NAT10: variants seen among roughly 807,000 people sequenced by gnomAD.
NAT10 encodes the protein RNA cytidine acetyltransferase.
NAT10 carries 109 observed loss-of-function variants against 132.2 expected under a neutral mutation model. That is an observed-to-expected ratio of 0.82 (90% CI 0.71 to 0.97). The LOEUF (loss-of-function observed/expected upper bound fraction) is 0.97, where lower values mean the gene tolerates loss of function less well. NAT10 is among the 50% of genes least tolerant of loss of function. The probability of loss-of-function intolerance (pLI) is 0.00; values close to 1 mark genes in which losing one functional copy is unlikely to be tolerated. For missense variants in NAT10, 1,184 were observed against 1,263.4 expected (o/e 0.94, Z 0.95); for synonymous variants, 479 against 478.0 (o/e 1.00, Z -0.03).
chr11:34,113,636 C>CAAA (rs34445882), intron 4 of NAT10, 80 bp from the exon 5 acceptor site: 235 of 906,502 alleles, frequency 2.6e-4, no homozygotes, highest in African/African-American at 9.8e-4. Context: ...GACTCCATCT[C>CAAA]AAAAAAAAAA....
At chr11:34,143,302 TC>T in intron 27 of NAT10, 142 bp from the exon 28 acceptor site, 1 of 678,168 alleles carries the variant, frequency 1.5e-6, no homozygotes, top group Admixed American at 2.7e-5. Flanking sequence ...CTCTGTCCTT[TC>T]TGCTGTTCAA....
At chr11:34,123,094 G>A (rs541208220) in intron 9 of NAT10, among the ~76,000 whole-genome samples, 1 of 152,250 alleles carries the variant, frequency 6.6e-6, no homozygotes, top group East Asian at 1.9e-4. Context: ...CCAACTTCTC[G>A]GCCATAATAA....
In NAT10 at chr11:34,132,168, T is replaced by C; in HGVS notation, c.1564T>C (p.Ser522Pro). The C allele has an allele frequency of 6.2e-7, 1 of 1,614,202 alleles. No homozygotes were observed. Among genetic ancestry groups the C allele is most frequent in the African/African-American group, 1.3e-5 (1 of 75,060 alleles). ...TACCCTCTTTTGCTACCACAAGGCC[T>C]CTGAAGTTTTCCTCCAACGGCTTAT... is the stretch of plus-strand genomic sequence containing the variant. ...RDTLFCYHKA[S>P]EVFLQRLMAL... Residue 522 changes from serine (S) to proline (P), a missense_variant, in exon 15 of 29, where the codon TCT (serine) becomes CCT (proline). Transcript: ENST00000257829.
rs552744350 is a variant in NAT10 at position 34,108,787 on chromosome 11, C to A, written c.154C>A (p.Arg52=). The A allele has an allele frequency of 1.2e-6, 2 of 1,613,716 alleles. No individual in the cohort carries two copies. Among genetic ancestry groups the A allele is most frequent in the Non-Finnish European group, 1.7e-6 (2 of 1,179,908 alleles). Residue 52 remains arginine (R), a synonymous_variant, in exon 3 of 29, where the codon CGG becomes AGG. Transcript: ENST00000257829. The stretch of plus-strand genomic sequence containing the variant: ...GTTATCCAAAGCAACTGTGAAGGCT[C>A]GGCCTTCAGTGCTGTGGTGTTATAA... ...HMLSKATVKA[R]PSVLWCYKKE...
intron 4 of NAT10, among the ~76,000 whole-genome samples, chr11:34,113,137 A>G (rs1157034997): frequency 6.6e-6 from 1 of 152,152 alleles, no homozygotes; most frequent in South Asian, 2.1e-4. Context: ...GCCATGATCA[A>G]TTGCCTGAAT....
At chr11:34,127,743 G>C in intron 12 of NAT10, 144 bp downstream of exon 12, 4 of 1,031,058 alleles carry the variant, frequency 3.9e-6, no homozygotes, top group Middle Eastern at 6.6e-4. Context: ...TTCTCTACTG[G>C]GCTTCTGCAA....
At chr11:34,130,448 T>G (rs1018084331) in intron 12 of NAT10, among the ~76,000 whole-genome samples, 4 of 152,376 alleles carry the variant, frequency 2.6e-5, no homozygotes, top group Non-Finnish European at 5.9e-5. Context: ...GCCTTTATGC[T>G]AAAGGCTTTA....
At chr11:34,141,895 C>T (rs545185590) in intron 26 of NAT10, 78 bp downstream of exon 26, 166 of 1,233,668 alleles carry the variant, frequency 1.3e-4, no homozygotes, top group Non-Finnish European at 4.7e-6. Flanking sequence ...ACTGTCTTCC[C>T]CTTCCCCTTT....
At chr11:34,109,460 G>T (rs555589086) in intron 3 of NAT10, among the ~76,000 whole-genome samples, 196 of 152,212 alleles carry the variant, frequency 1.3e-3, no homozygotes, top group African/African-American at 4.2e-3. Flanking sequence ...TTGCAGTCTG[G>T]TTTCTGCTTC....
rs141396701 is a variant in NAT10, at chr11:34,124,686, T to C, written c.1107+286T>C. On this transcript the variant is annotated intron_variant, in intron 11 of 28. Coordinates refer to ENST00000257829, the MANE Select transcript of NAT10 (RefSeq NM_024662.3). Reference sequence around the variant, plus strand: ...CGCTGATTAACTAAAAGAGAATCTTTCTTCTGACATCAGCTCTAACTTTGC... The same window carrying C: ...CGCTGATTAACTAAAAGAGAATCTTCCTTCTGACATCAGCTCTAACTTTGC... 3.9e-3 allele frequency among the ~76,000 whole-genome samples: 587 copies of C among 152,332 alleles called. 18 individuals carry two copies. Among genetic ancestry groups the C allele is most frequent in the Admixed American group, 0.033 (506 of 15,308 alleles).
In NAT10 at chr11:34,119,762, G is replaced by A. The variant is rs142523025; in HGVS notation, c.780+1259G>A. ...ATGCGAAGGGGTCATACTACAGAGT[G>A]TAAGTGGTCCCCTGTTAGACATTTC... On this transcript the variant is annotated intron_variant, in intron 8 of 28. Transcript: ENST00000257829. Among the ~76,000 whole-genome samples the A allele has an allele frequency of 7.9e-5, 12 of 152,358 alleles. No individual in the cohort carries two copies. The East Asian group carries it at 2.3e-3, about 29-fold the overall frequency.
intron 11 of NAT10, among the ~76,000 whole-genome samples, chr11:34,126,469 A>G (rs1047835030): frequency 1.1e-4 from 17 of 152,228 alleles, no homozygotes; most frequent in African/African-American, 4.1e-4. Flanking sequence ...TAGGTATTAT[A>G]TGAGTAAATT....
intron 27 of NAT10, 42 bp from the exon 28 acceptor site, chr11:34,143,403 C>T (rs769843209): frequency 3.9e-6 from 6 of 1,557,036 alleles, no homozygotes; most frequent in Non-Finnish European, 5.3e-6. Flanking sequence ...GCAGTCCCCT[C>T]TTCTTTCTAG....
At chr11:34,134,196 A>C in intron 16 of NAT10, 123 bp from the exon 17 acceptor site, 1 of 781,562 alleles carries the variant, frequency 1.3e-6, no homozygotes, top group Middle Eastern at 3.2e-4. Context: ...TGTCAGTGTC[A>C]GGGTTAAACC....
intron 28 of NAT10, 42 bp downstream of exon 28, chr11:34,143,570 T>TGCC: frequency 6.5e-7 from 1 of 1,544,358 alleles, no homozygotes; most frequent in Non-Finnish European, 8.9e-7. Context: ...GGAAGAGGCA[T>TGCC]TCTGGCCTCT....
intron 1 of NAT10, 60 bp from the exon 2 acceptor site, chr11:34,108,151 C>G (rs879514754): frequency 3.3e-5 from 39 of 1,174,782 alleles, no homozygotes; most frequent in Non-Finnish European, 4.9e-5. Flanking sequence ...AAAAGGCAGC[C>G]AGCTAATGTT....
intron 11 of NAT10, among the ~76,000 whole-genome samples, chr11:34,124,995 G>C (rs1172622214): frequency 6.6e-6 from 1 of 152,222 alleles, no homozygotes; most frequent in Non-Finnish European, 1.5e-5. Context: ...GCTCTTACTG[G>C]AGGAGGTTCA....
At chr11:34,142,151 A>T in intron 26 of NAT10, 124 bp from the exon 27 acceptor site, 1 of 890,754 alleles carries the variant, frequency 1.1e-6, no homozygotes, top group South Asian at 1.5e-5. Flanking sequence ...AGGTTTTTGC[A>T]GGTAGATGGA....
chr11:34,136,701 C>T lies in NAT10; in HGVS notation c.2088C>T (p.Leu696=). 6.2e-7 allele frequency: 1 copy of T among 1,614,154 alleles called. No homozygotes were observed. The highest frequency in any genetic ancestry group is 1.3e-5 in the African/African-American group (1 of 75,030). ...TPRKDLPPLL[L]KLNERPAERL... is the part of the protein sequence containing the mutation. The stretch of plus-strand genomic sequence containing the variant: ...GGAAGGACCTGCCTCCTTTACTCCT[C>T]AAATTGAATGAGAGGCCTGCCGAAC... The change falls in exon 20 of 29, where the codon CTC becomes CTT. Residue 696 remains leucine, a synonymous_variant. Transcript: ENST00000257829.
Sources: gnomAD v4.1 joint callset for allele counts (sites outside exome capture counted in the v4.1 genomes callset) on GRCh38, gnomAD v4.1.1 for gene constraint, MANE v1.5 for transcripts, NCBI Gene and HGNC (gene_info 2026-07-23, HGNC 2026-07-21) for gene names.